The following RGS7 variants were observed in gnomAD, a reference collection of about 807,000 sequenced individuals.
RGS7 encodes regulator of G-protein signaling 7.
Under a neutral mutation model 81.1 loss-of-function variants are expected in RGS7, and 27 were observed. The ratio of observed to expected loss-of-function variants is 0.33; its 90% CI spans 0.25 to 0.46. The LOEUF is 0.46. RGS7 is among the 20% of genes least tolerant of loss of function. The pLI, the probability that RGS7 is intolerant of heterozygous loss-of-function variation, is 1.00. For missense variants in RGS7, 396 were observed against 607.4 expected, an observed-to-expected ratio of 0.65 and a Z score of 3.66; for synonymous variants, 208 against 207.7, an observed-to-expected ratio of 1.00 and a Z score of -0.01.
intron 3 of RGS7, among the ~76,000 whole-genome samples, chr1:241,075,190 A>C (rs1460768661): frequency 6.6e-6 from 1 of 152,184 alleles, no homozygotes; most frequent in Non-Finnish European, 1.5e-5. Context: ...AAGAAGGGGG[A>C]AAAGTCGAAT....
intron 2 of RGS7, among the ~76,000 whole-genome samples, chr1:241,146,609 C>T (rs150970958): frequency 6.6e-6 from 1 of 152,206 alleles, no homozygotes; most frequent in African/African-American, 2.4e-5. Context: ...GGACAAGATT[C>T]CCAACCTACT....
chr1:240,995,355 G>C (rs910598243), intron 3 of RGS7, among the ~76,000 whole-genome samples: 1 of 152,096 alleles, frequency 6.6e-6, no homozygotes, highest in Non-Finnish European at 1.5e-5. Context: ...TTCATAAAAT[G>C]AATTGAGAGA....
At chr1:240,792,432 C>A (rs1482286347) in intron 18 of RGS7, among the ~76,000 whole-genome samples, 1 of 151,446 alleles carries the variant, frequency 6.6e-6, no homozygotes, top group Non-Finnish European at 1.5e-5. Context: ...ACGTGTAGAT[C>A]CAGAGCACAG....
At chr1:241,224,173 T>C (rs559930384) in intron 2 of RGS7, among the ~76,000 whole-genome samples, 1 of 152,142 alleles carries the variant, frequency 6.6e-6, no homozygotes, top group South Asian at 2.1e-4. Context: ...GTTATACACG[T>C]GCCTTGGTGG....
intron 3 of RGS7, among the ~76,000 whole-genome samples, chr1:241,080,395 C>T (rs1047522234): frequency 3.3e-5 from 5 of 151,838 alleles, no homozygotes; most frequent in African/African-American, 1.2e-4. Context: ...AAAAAATACC[C>T]TTTGGCTATC....
chr1:240,801,565 A>G, intron 16 of RGS7, 57 bp from the exon 17 acceptor site: 1 of 1,211,028 alleles, frequency 8.3e-7, no homozygotes, highest in South Asian at 1.2e-5. Flanking sequence ...TAAAAAAAAG[A>G]AAGAAAGCAA....
intron 3 of RGS7, among the ~76,000 whole-genome samples, chr1:241,084,944 T>C (rs1336064440): frequency 6.6e-6 from 1 of 152,248 alleles, no homozygotes; most frequent in African/African-American, 2.4e-5. Flanking sequence ...GGAAGTTCCA[T>C]CTTCAAACAC....
chr1:241,150,964 A>G (rs973409472), intron 2 of RGS7, among the ~76,000 whole-genome samples: 7 of 152,142 alleles, frequency 4.6e-5, no homozygotes, highest in African/African-American at 1.4e-4. Context: ...CGGATGTCCA[A>G]GGCCAGGAGA....
chr1:241,314,751 A>G (rs1219819465), intron 2 of RGS7, among the ~76,000 whole-genome samples: 2 of 152,350 alleles, frequency 1.3e-5, no homozygotes, highest in East Asian at 1.9e-4. Flanking sequence ...GGGCCCAGAC[A>G]CCATCGGAAT....
chr1:240,983,738 C>T (rs1685260311), intron 3 of RGS7, among the ~76,000 whole-genome samples: 1 of 152,168 alleles, frequency 6.6e-6, no homozygotes, highest in South Asian at 2.1e-4. Flanking sequence ...CATTGGAACC[C>T]ATGCAGTCTT....
chr1:241,025,081 G>A lies in RGS7; in HGVS notation c.176-41952C>T, dbSNP rs370914610. On this transcript the variant is annotated intron_variant, in intron 3 of 18. Transcript: ENST00000440928. ...GAAATATTAAATGCTATCAGGAAGCGCAAAAGCCACCCTTGGTAGAGAGAC... is the reference window on the plus strand; with the variant it reads ...GAAATATTAAATGCTATCAGGAAGCACAAAAGCCACCCTTGGTAGAGAGAC... Among the ~76,000 whole-genome samples, 23 of 152,298 alleles carry A rather than the reference G, an allele frequency of 1.5e-4. No individual in the cohort carries two copies. The East Asian group carries it at 1.7e-3, about 12-fold the overall frequency.
At chr1:241,094,528 C>T (rs2064116436) in intron 3 of RGS7, among the ~76,000 whole-genome samples, 1 of 151,914 alleles carries the variant, frequency 6.6e-6, no homozygotes, top group Admixed American at 6.6e-5. Flanking sequence ...AAGGAAATGG[C>T]ATAGAGGAAT....
intron 6 of RGS7, among the ~76,000 whole-genome samples, chr1:240,871,551 A>C (rs1664493852): frequency 6.6e-6 from 1 of 152,208 alleles, no homozygotes; most frequent in South Asian, 2.1e-4. Context: ...TGTACAATCT[A>C]CCATAATAAT....
chr1:241,125,494 G>A (rs1354044705), intron 2 of RGS7, among the ~76,000 whole-genome samples: 1 of 151,574 alleles, frequency 6.6e-6, no homozygotes, highest in African/African-American at 2.4e-5. Flanking sequence ...GAAAACCAAG[G>A]GTTCCTCCTC....
intron 6 of RGS7, among the ~76,000 whole-genome samples, chr1:240,929,874 C>T (rs1675105284): frequency 6.6e-6 from 1 of 152,200 alleles, no homozygotes; most frequent in African/African-American, 2.4e-5. Flanking sequence ...TATCACTCTC[C>T]TATTCACTTG....
intron 2 of RGS7, among the ~76,000 whole-genome samples, chr1:241,285,841 G>A (rs577328753): frequency 7.4e-4 from 112 of 152,224 alleles, no homozygotes; most frequent in African/African-American, 2.4e-3. Flanking sequence ...CAGGTTACAC[G>A]CCCCATCTTT....
intron 3 of RGS7, among the ~76,000 whole-genome samples, chr1:241,032,286 T>C (rs1423495542): frequency 5.3e-5 from 8 of 152,174 alleles, no homozygotes; most frequent in Non-Finnish European, 1.0e-4. Flanking sequence ...GTTGACTGCA[T>C]GTATGTAGCT....
intron 9 of RGS7, among the ~76,000 whole-genome samples, chr1:240,829,336 C>A (rs1318351004): frequency 6.6e-6 from 1 of 152,072 alleles, no homozygotes; most frequent in Non-Finnish European, 1.5e-5. Flanking sequence ...CTAAGTGACA[C>A]TGAGCAATTC....
chr1:241,341,685 T>C (rs568154703), intron 2 of RGS7, among the ~76,000 whole-genome samples: 1 of 152,222 alleles, frequency 6.6e-6, no homozygotes, highest in South Asian at 2.1e-4. Flanking sequence ...TGCCAGGCCC[T>C]GTACTAAGTC....
Sources: allele counts gnomAD v4.1 joint callset (sites outside exome capture counted in the v4.1 genomes callset), GRCh38; gene constraint gnomAD v4.1.1; transcripts MANE v1.5; gene names NCBI Gene and HGNC (gene_info 2026-07-23, HGNC 2026-07-21).